The following IQGAP1 variants were observed in gnomAD, a reference collection of about 807,000 sequenced individuals.
The protein encoded by IQGAP1 is ras GTPase-activating-like protein IQGAP1.
In IQGAP1, 66 loss-of-function variants were observed where a neutral mutation model predicts 215.6. The observed-to-expected ratio is 0.31, with a 90% confidence interval of 0.25 to 0.38. IQGAP1 has a LOEUF of 0.38. Ranked by LOEUF, IQGAP1 falls within the 10% of genes least tolerant of loss-of-function variation. The pLI, the probability that IQGAP1 is intolerant of heterozygous loss-of-function variation, is 1.00. For missense variants in IQGAP1, 1,712 were observed against 1,997.1 expected (o/e 0.86, Z 2.72); for synonymous variants, 772 against 728.7 (o/e 1.06, Z -0.96).
chr15:90,457,607 T>TA (rs1380121694), intron 15 of IQGAP1, among the ~76,000 whole-genome samples: 1 of 150,046 alleles, frequency 6.7e-6, no homozygotes, highest in African/African-American at 2.5e-5. Flanking sequence ...TTTTTTTTTT[T>TA]TTTTTTGTAT....
At chr15:90,494,514 G>A (rs750520933) in intron 35 of IQGAP1, 199 bp from the exon 36 acceptor site, 3 of 354,386 alleles carry the variant, frequency 8.5e-6, no homozygotes, top group Non-Finnish European at 1.6e-5. Context: ...AAAAATAGAA[G>A]CAATTTAGTA....
rs1966120121 is a variant in IQGAP1 at position 90,485,932 on chromosome 15, T to C, written c.3922-98T>C. The C allele has an allele frequency of 1.2e-5, 10 of 853,180 alleles. No individual in the cohort carries two copies. In the East Asian group the frequency reaches 2.7e-4, roughly 23 times the overall value. 52.9% of individuals were successfully genotyped at this position (853,180 alleles called of 1,614,324 possible). On this transcript the variant is annotated intron_variant, in intron 30 of 37. Coordinates refer to ENST00000268182, the MANE Select transcript of IQGAP1 (RefSeq NM_003870.4). ...GTTGTTTCTTTGAATATAGGAACTT[T>C]GTTGGAACCTCTTTGTGCAGATCAT...
intron 5 of IQGAP1, among the ~76,000 whole-genome samples, chr15:90,435,025 A>G (rs1426040462): frequency 1.3e-5 from 2 of 152,220 alleles, no homozygotes; most frequent in Non-Finnish European, 2.9e-5. Context: ...TGGAGTAGGT[A>G]TATAATACTG....
intron 2 of IQGAP1, among the ~76,000 whole-genome samples, chr15:90,409,066 G>A (rs1322903065): frequency 6.6e-6 from 1 of 151,800 alleles, no homozygotes; most frequent in Non-Finnish European, 1.5e-5. Flanking sequence ...GTCTTCTAGG[G>A]TTCTTATTCC....
chr15:90,417,825 T>C (rs1965075074), intron 2 of IQGAP1, among the ~76,000 whole-genome samples: 1 of 152,248 alleles, frequency 6.6e-6, no homozygotes, highest in African/African-American at 2.4e-5. Context: ...TTTCACGATA[T>C]TGATTCTTCC....
chr15:90,426,602 G>C (rs1156809305), intron 3 of IQGAP1, among the ~76,000 whole-genome samples: 1 of 151,802 alleles, frequency 6.6e-6, no homozygotes, highest in African/African-American at 2.4e-5. Context: ...CCTAGTTGTA[G>C]ATGAATTTTT....
At chr15:90,421,136 C>G (rs1383407185) in intron 2 of IQGAP1, among the ~76,000 whole-genome samples, 1 of 151,890 alleles carries the variant, frequency 6.6e-6, no homozygotes, top group Admixed American at 6.6e-5. Flanking sequence ...GACTCCATCT[C>G]AAAGAAAAAT....
intron 2 of IQGAP1, among the ~76,000 whole-genome samples, chr15:90,405,755 T>TC (rs1302638697): frequency 6.6e-6 from 1 of 151,960 alleles, no homozygotes; most frequent in African/African-American, 2.4e-5. Flanking sequence ...TTTTTTTTTT[T>TC]TCTGGTTTGC....
intron 8 of IQGAP1, among the ~76,000 whole-genome samples, chr15:90,443,126 T>TA (rs1252489568): frequency 2.0e-5 from 3 of 152,016 alleles, no homozygotes; most frequent in Admixed American, 2.0e-4. Flanking sequence ...ATTGGGCTAA[T>TA]AAAAAAAAGT....
In IQGAP1 at chr15:90,476,768, G is replaced by C. The variant is rs770565886; in HGVS notation, c.2890G>C (p.Glu964Gln). The stretch of plus-strand genomic sequence containing the variant: ...GGGAGGTCTCAAGGCTTTGAGCAAG[G>C]AGAAGAGAGAGAAGTTGGAAGCTTA... ...QKGGLKALSK[E>Q]KREKLEAYQH... The change falls in exon 24 of 38, where the codon GAG becomes CAG. Residue 964 changes from glutamate (E) to glutamine (Q), a missense_variant. Physicochemically the swap from Glu to Gln is conservative, Grantham distance 29. This residue lies in a region of IQGAP1 where 691 missense variants were observed against 923.0 expected (regional missense o/e 0.75). Transcript: ENST00000268182. The C allele has an allele frequency of 1.3e-5, 21 of 1,606,344 alleles. 1 individual carries two copies. Among genetic ancestry groups the C allele is most frequent in the African/African-American group, 1.1e-4 (8 of 74,166 alleles).
In IQGAP1 at chr15:90,500,215, A is replaced by T. The variant is rs2151042697; in HGVS notation, c.*107A>T. On this transcript the variant is annotated 3_prime_UTR_variant, in exon 38 of 38. Coordinates refer to ENST00000268182, the MANE Select transcript of IQGAP1 (RefSeq NM_003870.4). Reference sequence around the variant, plus strand: ...AAGCAAAGACCTAGCCAACAACAGCACCTCAATCTGATACACTCCCGATGC... The same window carrying T: ...AAGCAAAGACCTAGCCAACAACAGCTCCTCAATCTGATACACTCCCGATGC... 1 of 660,688 alleles carries T rather than the reference A, an allele frequency of 1.5e-6. No individual in the cohort carries two copies. Among genetic ancestry groups the T allele is most frequent in the African/African-American group, 1.8e-5 (1 of 55,568 alleles). 40.9% of individuals were successfully genotyped at this position (660,688 alleles called of 1,614,324 possible).
rs7180975 is a variant in IQGAP1, at chr15:90,467,006, C to T, written c.2036-444C>T. On this transcript the variant is annotated intron_variant, in intron 17 of 37. Transcript: ENST00000268182. ...ACCCGGGAGGCTGGGGCCGGAGAAT[C>T]GCCTGAACCCGGGAGGCAGAGGCTG... 7.4e-3 allele frequency among the ~76,000 whole-genome samples: 1,121 copies of T among 152,132 alleles called. 19 individuals carry two copies. Among genetic ancestry groups the T allele is most frequent in the African/African-American group, 0.025 (1,026 of 41,486 alleles).
Position 90,487,567 on chromosome 15 carries a change from A to G in IQGAP1, c.4233A>G (p.Pro1411=). The G allele has an allele frequency of 6.2e-7, 1 of 1,613,380 alleles. No individual in the cohort carries two copies. Among genetic ancestry groups the G allele is most frequent in the Non-Finnish European group, 8.5e-7 (1 of 1,179,316 alleles). Residue 1411 remains proline (P), a synonymous_variant, in exon 33 of 38, where the codon CCA becomes CCG. Coordinates refer to ENST00000268182, the MANE Select transcript of IQGAP1 (RefSeq NM_003870.4). ...GETLTEILET[P]ATSEQEAEHQ... ...CCTTGACTGAAATCCTAGAAACACC[A>G]GCCACCAGTGAACAGGTAAAATTTA...
At chr15:90,495,629 T>TC (rs1361395016) in intron 36 of IQGAP1, among the ~76,000 whole-genome samples, 1 of 147,994 alleles carries the variant, frequency 6.8e-6, no homozygotes, top group East Asian at 2.0e-4. Context: ...TATATTTTTT[T>TC]CTTCTTCTTC....
intron 8 of IQGAP1, among the ~76,000 whole-genome samples, chr15:90,442,461 A>G (rs995165955): frequency 2.0e-5 from 3 of 149,924 alleles, no homozygotes; most frequent in African/African-American, 4.9e-5. Context: ...GAAAAAAAAA[A>G]CTTCACACAA....
Position 90,491,562 on chromosome 15 carries a change from A to G in IQGAP1, c.4461+17A>G, listed in dbSNP as rs760692873. On this transcript the variant is annotated intron_variant, in intron 34 of 37. Transcript: ENST00000268182. ...ATTGCCAGGGTACTGCATTCGGGGG[A>G]CAGAGGGGACCCGGCCTTGTTCAAA... is the stretch of plus-strand genomic sequence containing the variant. 3 of 1,603,708 alleles carry G rather than the reference A, an allele frequency of 1.9e-6. No individual in the cohort carries two copies. Among genetic ancestry groups the G allele is most frequent in the Non-Finnish European group, 2.6e-6 (3 of 1,170,810 alleles).
chr15:90,483,963 T>TG (rs1966092129), intron 29 of IQGAP1, among the ~76,000 whole-genome samples: 1 of 152,214 alleles, frequency 6.6e-6, no homozygotes, highest in African/African-American at 2.4e-5. Context: ...GTTCTCCTAA[T>TG]GGTGTCTGGA....
chr15:90,438,912 A>G (rs1965409391), intron 5 of IQGAP1, among the ~76,000 whole-genome samples: 1 of 152,004 alleles, frequency 6.6e-6, no homozygotes, highest in Admixed American at 6.6e-5. Flanking sequence ...TTTAGTAGAG[A>G]CAGGGTTTTG....
intron 2 of IQGAP1, among the ~76,000 whole-genome samples, chr15:90,404,127 A>G (rs1021613333): frequency 2.0e-5 from 3 of 152,204 alleles, no homozygotes; most frequent in African/African-American, 4.8e-5. Flanking sequence ...TAGGTATGCC[A>G]TTGTGCATGT....
Sources: allele counts gnomAD v4.1 joint callset (sites outside exome capture counted in the v4.1 genomes callset), GRCh38; gene constraint gnomAD v4.1.1; regional missense constraint gnomAD v4.1.1; transcripts MANE v1.5; gene names NCBI Gene and HGNC (gene_info 2026-07-23, HGNC 2026-07-21).